The following SLIT3 variants were observed in gnomAD, a reference collection of about 807,000 sequenced individuals.
SLIT3 encodes the protein slit homolog 3 protein.
In SLIT3, 68 loss-of-function variants were observed where a neutral mutation model predicts 184.0. The ratio of observed to expected loss-of-function variants is 0.37; its 90% CI spans 0.30 to 0.45. SLIT3 has a LOEUF of 0.45. SLIT3 is among the 20% of genes least tolerant of loss of function. The probability of loss-of-function intolerance (pLI) is 1.00; values close to 1 mark genes in which losing one functional copy is unlikely to be tolerated. For missense variants in SLIT3, 1,707 were observed against 2,026.0 expected (o/e 0.84, Z 3.02); for synonymous variants, 831 against 828.6 (o/e 1.00, Z -0.05).
chr5:168,990,170 G>A (rs1005324983), intron 4 of SLIT3, among the ~76,000 whole-genome samples: 7 of 152,168 alleles, frequency 4.6e-5, no homozygotes, highest in African/African-American at 1.7e-4. Flanking sequence ...CCATCAGGAT[G>A]TCCATCTTGC....
intron 10 of SLIT3, among the ~76,000 whole-genome samples, chr5:168,793,756 A>G (rs1198766212): frequency 6.6e-6 from 1 of 151,594 alleles, no homozygotes; most frequent in Non-Finnish European, 1.5e-5. Flanking sequence ...TTTCACTGAA[A>G]TTACTATCTG....
Position 169,212,528 on chromosome 5 carries a change from G to C in SLIT3, c.342-18978C>G, listed in dbSNP as rs534435320. ...GATTCTGGATATTAGCCCTTTGTCA[G>C]ATGGATATATTGCAAAAATTTTCTC... is the stretch of plus-strand genomic sequence containing the variant. On this transcript the variant is annotated intron_variant, in intron 3 of 35. Transcript: ENST00000519560. Among the ~76,000 whole-genome samples the C allele has an allele frequency of 1.5e-4, 23 of 152,248 alleles. No individual in the cohort carries two copies. The South Asian group carries it at 4.1e-3, about 27-fold the overall frequency.
rs192624777 is a variant in SLIT3 at position 168,836,717 on chromosome 5, C to T, written c.557+7867G>A. Reference sequence around the variant, plus strand: ...CCACGACTTGCCGACTCCCCCTAAGCGCTACTCACGGGAGAAGTTAACAGG... The same window carrying T: ...CCACGACTTGCCGACTCCCCCTAAGTGCTACTCACGGGAGAAGTTAACAGG... On this transcript the variant is annotated intron_variant, in intron 6 of 35. Coordinates refer to ENST00000519560, the MANE Select transcript of SLIT3 (RefSeq NM_003062.4). Among the ~76,000 whole-genome samples the T allele has an allele frequency of 6.2e-3, 945 of 152,202 alleles. 25 individuals are homozygous for T. Among genetic ancestry groups the T allele is most frequent in the Non-Finnish European group, 5.0e-3 (338 of 68,010 alleles).
chr5:169,044,960 T>C (rs1204779920), intron 4 of SLIT3, among the ~76,000 whole-genome samples: 2 of 152,336 alleles, frequency 1.3e-5, no homozygotes, highest in East Asian at 3.9e-4. Context: ...TACTTCTCTC[T>C]CTGAAGAAGC....
intron 31 of SLIT3, among the ~76,000 whole-genome samples, chr5:168,685,163 G>C (rs1417266731): frequency 6.6e-6 from 1 of 152,134 alleles, no homozygotes; most frequent in African/African-American, 2.4e-5. Context: ...TGGCCAGGTT[G>C]GTCTTGAACT....
intron 4 of SLIT3, among the ~76,000 whole-genome samples, chr5:169,113,800 C>T (rs938988012): frequency 6.6e-6 from 1 of 151,928 alleles, no homozygotes; most frequent in Non-Finnish European, 1.5e-5. Flanking sequence ...GGATTACTGA[C>T]ATGTGCCATC....
chr5:168,978,237 T>G (rs1754832789), intron 4 of SLIT3, among the ~76,000 whole-genome samples: 1 of 152,382 alleles, frequency 6.6e-6, no homozygotes, highest in African/African-American at 2.4e-5. Context: ...AGTTTCCATG[T>G]GCAGACAATT....
intron 26 of SLIT3, among the ~76,000 whole-genome samples, chr5:168,702,036 G>T (rs1762232211): frequency 6.6e-6 from 1 of 152,232 alleles, no homozygotes; most frequent in Non-Finnish European, 1.5e-5. Flanking sequence ...ATGTCCGTCT[G>T]GTTCCCTTCA....
rs761651020 is a variant in SLIT3 at position 168,666,439 on chromosome 5, C to A, written c.*15G>T. Reference sequence around the variant, plus strand: ...AAGCTGGAGTCCGAGAGGTGGCAGGCAGGCGGGCAGGGGCTTAGGAACACG... The same window carrying A: ...AAGCTGGAGTCCGAGAGGTGGCAGGAAGGCGGGCAGGGGCTTAGGAACACG... On this transcript the variant is annotated 3_prime_UTR_variant, in exon 36 of 36. Transcript: ENST00000519560. The A allele has an allele frequency of 6.5e-7, 1 of 1,533,602 alleles. No homozygotes were observed. Among genetic ancestry groups the A allele is most frequent in the South Asian group, 1.3e-5 (1 of 78,760 alleles). The allele number at this position is 1,533,602 out of a possible 1,614,324, so 95.0% of individuals were successfully genotyped here.
At chr5:168,946,509 G>T (rs2113223861) in intron 4 of SLIT3, among the ~76,000 whole-genome samples, 1 of 152,334 alleles carries the variant, frequency 6.6e-6, no homozygotes, top group East Asian at 1.9e-4. Context: ...GATTCTCATG[G>T]TCCCATAGTG....
intron 16 of SLIT3, among the ~76,000 whole-genome samples, chr5:168,756,046 G>A (rs11750789): frequency 0.065 from 9,902 of 152,320 alleles, 463 homozygotes; most frequent in Non-Finnish European, 0.099. Flanking sequence ...CTTGCATGGG[G>A]AACCATCTTC....
chr5:169,118,065 T>C (rs556405232), intron 4 of SLIT3, among the ~76,000 whole-genome samples: 9 of 152,174 alleles, frequency 5.9e-5, no homozygotes, highest in Non-Finnish European at 1.3e-4. Flanking sequence ...TTAATCCCAG[T>C]GCTTTGGGAG....
In SLIT3 at chr5:168,756,045, G is replaced by T. The variant is rs1314675652; in HGVS notation, c.1686-2038C>A. 2.6e-5 allele frequency among the ~76,000 whole-genome samples: 4 copies of T among 152,206 alleles called. No homozygotes were observed. The East Asian group carries it at 7.7e-4, about 29-fold the overall frequency. On this transcript the variant is annotated intron_variant, in intron 16 of 35. Transcript: ENST00000519560. ...ACAGCCTATTCAGAGCCTTGCATGG[G>T]GAACCATCTTCTGCAAACAAGGAAA...
chr5:169,115,137 C>T (rs1760609213), intron 4 of SLIT3, among the ~76,000 whole-genome samples: 1 of 152,194 alleles, frequency 6.6e-6, no homozygotes. Flanking sequence ...TCTCATCCTT[C>T]TAAGCAAGGA....
At chr5:168,869,491 T>C (rs546435016) in intron 5 of SLIT3, among the ~76,000 whole-genome samples, 133 of 152,342 alleles carry the variant, frequency 8.7e-4, no homozygotes, top group African/African-American at 3.0e-3. Context: ...TGACAAAAGC[T>C]TATTGCCTAC....
At chr5:169,287,996 T>A (rs1257246098) in intron 1 of SLIT3, among the ~76,000 whole-genome samples, 1 of 152,236 alleles carries the variant, frequency 6.6e-6, no homozygotes, top group Non-Finnish European at 1.5e-5. Context: ...AGTACAAATT[T>A]TATTCCAAAT....
intron 4 of SLIT3, among the ~76,000 whole-genome samples, chr5:168,924,962 C>T (rs2113139493): frequency 6.6e-6 from 1 of 152,296 alleles, no homozygotes; most frequent in South Asian, 2.1e-4. Context: ...GCCTCCTCCA[C>T]TAAGATGAAA....
chr5:168,812,888 TAA>T (rs59017426), intron 8 of SLIT3, among the ~76,000 whole-genome samples: 7 of 144,450 alleles, frequency 4.8e-5, no homozygotes, highest in South Asian at 2.2e-4. Context: ...AGTCCCAAAT[TAA>T]AAAAAAAAAA....
chr5:168,721,904 G>A (rs942746064), intron 23 of SLIT3, among the ~76,000 whole-genome samples: 8 of 152,140 alleles, frequency 5.3e-5, no homozygotes, highest in Admixed American at 1.3e-4. Flanking sequence ...TCATCGAAAC[G>A]TGGCTATGAC....
Sources: gnomAD v4.1 joint callset for allele counts (sites outside exome capture counted in the v4.1 genomes callset) on GRCh38, gnomAD v4.1.1 for gene constraint, MANE v1.5 for transcripts, NCBI Gene and HGNC (gene_info 2026-07-23, HGNC 2026-07-21) for gene names.